Variants in XIRP2 observed in about 807,000 individuals in gnomAD.
XIRP2 encodes xin actin-binding repeat-containing protein 2.
Under a neutral mutation model 277.0 loss-of-function variants are expected in XIRP2, and 236 were observed. The ratio of observed to expected loss-of-function variants is 0.85; its 90% CI spans 0.77 to 0.95. The LOEUF (loss-of-function observed/expected upper bound fraction) is 0.95. Ranked by LOEUF, XIRP2 falls within the 40% of genes least tolerant of loss-of-function variation. The pLI is 0.00. For missense variants in XIRP2, 4,640 were observed against 4,157.5 expected (o/e 1.12, Z -3.19); for synonymous variants, 1,490 against 1,416.5 (o/e 1.05, Z -1.17).
At chr2:166,956,985 C>T (rs949917957) in intron 2 of XIRP2, among the ~76,000 whole-genome samples, 3 of 151,804 alleles carry the variant, frequency 2.0e-5, no homozygotes, top group Non-Finnish European at 4.4e-5. Context: ...GCATTAATTA[C>T]TTTGAAATTT....
intron 3 of XIRP2, among the ~76,000 whole-genome samples, chr2:167,205,463 A>G (rs1693827947): frequency 1.3e-5 from 2 of 152,142 alleles, no homozygotes; most frequent in Non-Finnish European, 2.9e-5. Context: ...TTATTTTCCC[A>G]TAAAGGTTTC....
chr2:166,950,862 T>C (rs1686009767), intron 2 of XIRP2, among the ~76,000 whole-genome samples: 1 of 152,050 alleles, frequency 6.6e-6, no homozygotes. Flanking sequence ...GTTCCCTCGT[T>C]AAGAAGTTGT....
intron 2 of XIRP2, among the ~76,000 whole-genome samples, chr2:167,006,782 T>A (rs1305901807): frequency 6.6e-6 from 1 of 151,776 alleles, no homozygotes; most frequent in Non-Finnish European, 1.5e-5. Flanking sequence ...AATTTTCTTC[T>A]GATTATAATA....
intron 2 of XIRP2, among the ~76,000 whole-genome samples, chr2:167,096,773 C>T (rs1171666638): frequency 6.6e-6 from 1 of 152,102 alleles, no homozygotes; most frequent in Non-Finnish European, 1.5e-5. Flanking sequence ...TCAAAGAACT[C>T]ATTTGTTTCT....
rs1322294636 is a variant in XIRP2 at position 167,210,810 on chromosome 2, T to A, written c.638T>A (p.Leu213His). Residue 213 changes from leucine to histidine, a missense_variant, in exon 4 of 11, where the codon CTC (leucine) becomes CAC (histidine). Leu to His is a moderately conservative substitution (Grantham distance 99, BLOSUM62 -3). Coordinates refer to ENST00000409195, the MANE Select transcript of XIRP2 (RefSeq NM_152381.6). ...GCTCGGGGCGAGGGTGTGTCAGACCTCCACGAAGTGGTCTCCCTGAAGGAG... is the reference window on the plus strand; with the variant it reads ...GCTCGGGGCGAGGGTGTGTCAGACCACCACGAAGTGGTCTCCCTGAAGGAG... ...SAARGEGVSD[L>H]HEVVSLKERM... is the part of the protein sequence containing the mutation. 4 of 1,614,058 alleles carry A rather than the reference T, an allele frequency of 2.5e-6. No homozygotes were observed. Among genetic ancestry groups the A allele is most frequent in the Non-Finnish European group, 3.4e-6 (4 of 1,180,038 alleles).
At chr2:167,205,272 T>G (rs1218410698) in intron 3 of XIRP2, among the ~76,000 whole-genome samples, 1 of 152,196 alleles carries the variant, frequency 6.6e-6, no homozygotes, top group African/African-American at 2.4e-5. Flanking sequence ...ATGTATCTTA[T>G]GCTTTTTGTA....
At position 167,072,115 on chromosome 2, in the gene XIRP2, C is replaced by T. The variant is rs542207266; in HGVS notation, c.409-63794C>T. On this transcript the variant is annotated intron_variant, in intron 2 of 10. Coordinates refer to ENST00000409195, the MANE Select transcript of XIRP2 (RefSeq NM_152381.6). The stretch of plus-strand genomic sequence containing the variant: ...TTAAAATATATAATATAAGCATATG[C>T]CATATGAAGTTATATGTATGTTTAT... Among the ~76,000 whole-genome samples, 5 of 151,968 alleles carry T rather than the reference C, an allele frequency of 3.3e-5. No individual in the cohort carries two copies. The South Asian group carries it at 8.3e-4, about 25-fold the overall frequency.
At chr2:167,099,280 C>A (rs1358180679) in intron 2 of XIRP2, among the ~76,000 whole-genome samples, 3 of 152,182 alleles carry the variant, frequency 2.0e-5, no homozygotes, top group Non-Finnish European at 4.4e-5. Context: ...CCAGTTCAAA[C>A]TTCCCAGTGG....
chr2:167,032,318 A>G (rs984812128), intron 2 of XIRP2, among the ~76,000 whole-genome samples: 5 of 152,188 alleles, frequency 3.3e-5, no homozygotes, highest in African/African-American at 1.2e-4. Flanking sequence ...TTAAAGACTT[A>G]AACATAAGAC....
intron 5 of XIRP2, among the ~76,000 whole-genome samples, chr2:167,236,804 G>A (rs1159228221): frequency 6.6e-6 from 1 of 152,074 alleles, no homozygotes; most frequent in African/African-American, 2.4e-5. Context: ...TTTATGAATG[G>A]TGACCCGAAC....
chr2:166,897,538 G>C (rs936906843), intron 1 of XIRP2, among the ~76,000 whole-genome samples: 1 of 152,078 alleles, frequency 6.6e-6, no homozygotes, highest in African/African-American at 2.4e-5. Flanking sequence ...GAAGCCACAC[G>C]TAAGTTAAAC....
In XIRP2 at chr2:167,248,223, C is replaced by T. The variant is rs771632938; in HGVS notation, c.6831C>T (p.Asn2277=). The change falls in exon 9 of 11, where the codon AAC becomes AAT. Residue 2277 remains asparagine (N), a synonymous_variant. Transcript: ENST00000409195. ...GGTCCTTGAATCCAATCAACTTTAACCCTGAGAATAATGTAAAAGAAAGTG... is the reference window on the plus strand; with the variant it reads ...GGTCCTTGAATCCAATCAACTTTAATCCTGAGAATAATGTAAAAGAAAGTG... The part of the protein sequence containing the change: ...MERSLNPINF[N]PENNVKESEC... 1.9e-6 allele frequency: 3 copies of T among 1,613,566 alleles called. No homozygotes were observed. In the Admixed American group the frequency reaches 5.0e-5, roughly 27 times the overall value.
chr2:167,138,486 C>A (rs1476528434), intron 3 of XIRP2, among the ~76,000 whole-genome samples: 1 of 152,174 alleles, frequency 6.6e-6, no homozygotes, highest in African/African-American at 2.4e-5. Flanking sequence ...ATTGCTCTCA[C>A]CACGTCTATT....
intron 2 of XIRP2, among the ~76,000 whole-genome samples, chr2:167,053,106 C>T (rs990718231): frequency 2.6e-5 from 4 of 152,166 alleles, no homozygotes; most frequent in Admixed American, 6.6e-5. Context: ...GTCTGTACCT[C>T]CCGTCTCCAT....
rs990377389 is a variant in XIRP2 at position 167,085,205 on chromosome 2, G to A, written c.409-50704G>A. Among the ~76,000 whole-genome samples the A allele has an allele frequency of 2.4e-3, 366 of 151,328 alleles. 1 individual carries two copies. Among genetic ancestry groups the A allele is most frequent in the South Asian group, 4.4e-3 (21 of 4,758 alleles). ...CTGCCTTCATTTCGTTATGTACCCA[G>A]TAGTCATTCAGGAGCAGGTTGTTCA... On this transcript the variant is annotated intron_variant, in intron 2 of 10. Transcript: ENST00000409195.
chr2:166,897,837 G>A (rs1684282327), intron 1 of XIRP2, among the ~76,000 whole-genome samples: 1 of 152,082 alleles, frequency 6.6e-6, no homozygotes, highest in Admixed American at 6.6e-5. Flanking sequence ...ATGCAGTGGG[G>A]GTTGGAACAC....
chr2:167,196,412 T>TTGTGTGTGTGTGTGTGTG (rs71031280), intron 3 of XIRP2, among the ~76,000 whole-genome samples: 37 of 141,890 alleles, frequency 2.6e-4, no homozygotes, highest in African/African-American at 8.9e-4. Flanking sequence ...GTCAAGAATT[T>TTGTGTGTGTGTGTGTGTG]TGTGTGTGTG....
chr2:167,199,664 C>T (rs546351326), intron 3 of XIRP2, among the ~76,000 whole-genome samples: 4 of 152,274 alleles, frequency 2.6e-5, no homozygotes, highest in East Asian at 1.9e-4. Context: ...CTCAGAGGCA[C>T]GCACACTTTC....
In XIRP2 at chr2:167,128,569, C is replaced by T. The variant is rs189591171; in HGVS notation, c.409-7340C>T. The stretch of plus-strand genomic sequence containing the variant: ...ATCCGGGGCGGTCCTGGAGCCAATC[C>T]CCCCTTGGATATTGAGAGGCAACTG... On this transcript the variant is annotated intron_variant, in intron 2 of 10. Transcript: ENST00000409195. Among the ~76,000 whole-genome samples, 232 of 152,200 alleles carry T rather than the reference C, an allele frequency of 1.5e-3. 1 individual carries two copies. The highest frequency in any genetic ancestry group is 5.4e-3 in the African/African-American group (223 of 41,528).
Sources: gnomAD v4.1 joint callset for allele counts (sites outside exome capture counted in the v4.1 genomes callset) on GRCh38, gnomAD v4.1.1 for gene constraint, MANE v1.5 for transcripts, NCBI Gene and HGNC (gene_info 2026-07-23, HGNC 2026-07-21) for gene names.